CFH: variants seen among roughly 807,000 people sequenced by gnomAD.
CFH encodes H factor 1 (complement).
In CFH, 53 loss-of-function variants were observed where a neutral mutation model predicts 147.3. That is an observed-to-expected ratio of 0.36 (90% CI 0.29 to 0.45). The LOEUF is 0.45. CFH is among the 20% of genes least tolerant of loss of function. The pLI is 1.00. For synonymous variants in CFH, 536 were observed against 489.4 expected (o/e 1.10, Z -1.26); for missense variants, 1,380 against 1,498.0 (o/e 0.92, Z 1.30).
intron 19 of CFH, among the ~76,000 whole-genome samples, chr1:196,743,039 G>A (rs1652866261): frequency 6.6e-6 from 1 of 152,030 alleles, no homozygotes; most frequent in African/African-American, 2.4e-5. Context: ...TGTATAAGCA[G>A]GATGATTGCA....
At chr1:196,682,772 G>A (rs1667699464) in intron 6 of CFH, among the ~76,000 whole-genome samples, 1 of 151,420 alleles carries the variant, frequency 6.6e-6, no homozygotes, top group Non-Finnish European at 1.5e-5. Context: ...TTTTAAAATA[G>A]TAAAGCTTTA....
chr1:196,673,216 TAA>T (rs1667344048), intron 2 of CFH, 53 bp downstream of exon 2: 3 of 1,424,124 alleles, frequency 2.1e-6, no homozygotes, highest in Non-Finnish European at 2.0e-6. Context: ...TAAAAATACT[TAA>T]GATTTAATAT....
In CFH at chr1:196,743,490, T is replaced by C. The variant is rs55679475; in HGVS notation, c.3172T>C (p.Tyr1058His). ...CVNPPTVQNA[Y>H]IVSRQMSKYP... ...GAATCCGCCCACAGTACAAAATGCT[T>C]ATATAGTGTCGAGACAGATGAGTAA... Residue 1058 changes from tyrosine to histidine, a missense_variant, in exon 20 of 22, where the codon TAT becomes CAT. Physicochemically the swap from Tyr to His is moderately conservative, Grantham distance 83. Transcript: ENST00000367429. 3.8e-4 allele frequency: 613 copies of C among 1,613,990 alleles called. 6 individuals carry two copies. In the East Asian group the frequency reaches 0.011, roughly 30 times the overall value.
At chr1:196,692,483 G>C in intron 9 of CFH, 1 of 248,386 alleles carries the variant, frequency 4.0e-6, no homozygotes, top group Non-Finnish European at 6.4e-6. Flanking sequence ...GCTGATTGTA[G>C]AATCAACTAC....
rs149474608 is a variant in CFH at position 196,740,686 on chromosome 1, G to A, written c.2850G>A (p.Gln950=). Reference sequence around the variant, plus strand: ...TAGCTCACATGTCAGACAGTTATCAGTATGGAGAAGAAGTTACGTACAAAT... The same window carrying A: ...TAGCTCACATGTCAGACAGTTATCAATATGGAGAAGAAGTTACGTACAAAT... ...GVVAHMSDSY[Q]YGEEVTYKCF... The change falls in exon 18 of 22, where the codon CAG becomes CAA. Residue 950 remains glutamine (Q), a synonymous_variant. Coordinates refer to ENST00000367429, the MANE Select transcript of CFH (RefSeq NM_000186.4). 9.9e-6 allele frequency: 16 copies of A among 1,613,904 alleles called. No homozygotes were observed. Among genetic ancestry groups the A allele is most frequent in the East Asian group, 2.2e-5 (1 of 44,834 alleles).
At chr1:196,745,290 G>T (rs547095310) in intron 20 of CFH, among the ~76,000 whole-genome samples, 41 of 151,580 alleles carry the variant, frequency 2.7e-4, no homozygotes, top group Middle Eastern at 3.4e-3. Flanking sequence ...TTTCTGCATC[G>T]GCATTATTTG....
At chr1:196,672,878 C>T (rs931171935) in intron 1 of CFH, 100 bp from the exon 2 acceptor site, 15 of 891,986 alleles carry the variant, frequency 1.7e-5, no homozygotes, top group African/African-American at 8.5e-5. Context: ...TTTAGATAGA[C>T]CTGTGACTGT....
chr1:196,655,841 G>C (rs1322441340), intron 1 of CFH, among the ~76,000 whole-genome samples: 3 of 152,058 alleles, frequency 2.0e-5, no homozygotes, highest in African/African-American at 4.8e-5. Context: ...AAATTATAAG[G>C]AGTCATAAAA....
chr1:196,690,993 C>T (rs1319038185), intron 9 of CFH, among the ~76,000 whole-genome samples: 1 of 152,226 alleles, frequency 6.6e-6, no homozygotes, highest in East Asian at 1.9e-4. Flanking sequence ...ACCTTGCAAG[C>T]TTCCAGCTTG....
intron 1 of CFH, among the ~76,000 whole-genome samples, chr1:196,663,131 T>C (rs1388473507): frequency 6.6e-6 from 1 of 152,172 alleles, no homozygotes; most frequent in Non-Finnish European, 1.5e-5. Flanking sequence ...ATAGGTGTGT[T>C]TTTTTACTGC....
At position 196,674,137 on chromosome 1, in the gene CFH, C is replaced by A. The variant is rs55731505; in HGVS notation, c.350+175C>A. 6.3e-4 allele frequency among the ~76,000 whole-genome samples: 96 copies of A among 152,158 alleles called. 2 individuals carry two copies. In the East Asian group the frequency reaches 0.018, roughly 28 times the overall value. On this transcript the variant is annotated intron_variant, in intron 3 of 21. Transcript: ENST00000367429. ...TTAAATCTGGATACCATATTATCTC[C>A]TTAACATTGAAAAATTTAAATGAAG... is the stretch of plus-strand genomic sequence containing the variant.
At chr1:196,652,848 C>A (rs994191121) in intron 1 of CFH, among the ~76,000 whole-genome samples, 2 of 151,584 alleles carry the variant, frequency 1.3e-5, no homozygotes, top group Non-Finnish European at 3.0e-5. Flanking sequence ...GAGTTTTTTT[C>A]TGACCTCAGT....
At chr1:196,686,358 C>T (rs1302127363) in intron 7 of CFH, among the ~76,000 whole-genome samples, 1 of 152,038 alleles carries the variant, frequency 6.6e-6, no homozygotes, top group African/African-American at 2.4e-5. Context: ...TGTTGAAGGA[C>T]TCCAAGTCTT....
chr1:196,731,628 C>T (rs1028937391), intron 15 of CFH, among the ~76,000 whole-genome samples: 1 of 151,946 alleles, frequency 6.6e-6, no homozygotes, highest in Non-Finnish European at 1.5e-5. Context: ...TAATTAGCAT[C>T]CTCTTCTTTC....
intron 4 of CFH, chr1:196,677,187 T>C (rs1483840913): frequency 1.3e-5 from 4 of 298,082 alleles, no homozygotes; most frequent in Non-Finnish European, 1.9e-5. Context: ...TCAAGCTTTA[T>C]ATTTCTTAAT....
chr1:196,722,875 T>C (rs1669033021), intron 11 of CFH, among the ~76,000 whole-genome samples: 2 of 152,234 alleles, frequency 1.3e-5, no homozygotes, highest in African/African-American at 4.8e-5. Context: ...TGTAATTAAA[T>C]CTTTCAACTA....
At chr1:196,660,925 G>A (rs1005223214) in intron 1 of CFH, among the ~76,000 whole-genome samples, 1 of 152,174 alleles carries the variant, frequency 6.6e-6, no homozygotes, top group Non-Finnish European at 1.5e-5. Flanking sequence ...TTCTCACTAG[G>A]AAGTGAGCGG....
At position 196,667,034 on chromosome 1, in the gene CFH, A is replaced by G. The variant is rs111723353; in HGVS notation, c.59-5944A>G. Reference sequence around the variant, plus strand: ...GTTAATAATGTTGCTTATATCTTGTATATCCTTATTTTTCTATTTCTTTTC... The same window carrying G: ...GTTAATAATGTTGCTTATATCTTGTGTATCCTTATTTTTCTATTTCTTTTC... On this transcript the variant is annotated intron_variant, in intron 1 of 21. Transcript: ENST00000367429. Among the ~76,000 whole-genome samples the G allele has an allele frequency of 1.6e-3, 251 of 152,272 alleles. 2 individuals are homozygous for G. The highest frequency in any genetic ancestry group is 5.8e-3 in the African/African-American group (242 of 41,562).
At chr1:196,679,885 G>C (rs923379361) in intron 6 of CFH, 92 bp downstream of exon 6, 2 of 1,164,882 alleles carry the variant, frequency 1.7e-6, no homozygotes, top group Non-Finnish European at 1.2e-6. Flanking sequence ...ATCAAAAGTA[G>C]AGTGCTAATT....
Sources: allele counts gnomAD v4.1 joint callset (sites outside exome capture counted in the v4.1 genomes callset), GRCh38; gene constraint gnomAD v4.1.1; transcripts MANE v1.5; gene names NCBI Gene and HGNC (gene_info 2026-07-23, HGNC 2026-07-21).